Variants in MTMR10 observed in about 807,000 individuals in gnomAD.
MTMR10 encodes the protein myotubularin-related protein 10.
Under a neutral mutation model 88.1 loss-of-function variants are expected in MTMR10, and 56 were observed. The observed-to-expected ratio is 0.64, with a 90% CI of 0.51 to 0.79. The LOEUF is 0.79. Ranked by LOEUF, MTMR10 falls within the 30% of genes least tolerant of loss-of-function variation. MTMR10 has a pLI of 0.00. For missense variants in MTMR10, 883 were observed against 924.7 expected (o/e 0.95, Z 0.58); for synonymous variants, 380 against 340.9 (o/e 1.11, Z -1.26).
intron 11 of MTMR10, among the ~76,000 whole-genome samples, chr15:30,952,240 C>T (rs369372753): frequency 4.6e-5 from 7 of 152,354 alleles, no homozygotes; most frequent in African/African-American, 1.7e-4. Flanking sequence ...GCAGCTGTGG[C>T]TCCCTGCTGC....
rs901837329 is a variant in MTMR10 at position 30,941,279 on chromosome 15, A to T, written c.*191T>A. 6.7e-7 allele frequency: 1 copy of T among 1,497,376 alleles called. No homozygotes were observed. 92.8% of individuals were successfully genotyped at this position (1,497,376 alleles called of 1,614,324 possible). On this transcript the variant is annotated 3_prime_UTR_variant, in exon 16 of 16. Coordinates refer to ENST00000435680, the MANE Select transcript of MTMR10 (RefSeq NM_017762.3). ...CTGTAATGACAGAAAGAGGACAGGAACAAAATTTACATCTCTCTTAAAATA... is the reference window on the plus strand; with the variant it reads ...CTGTAATGACAGAAAGAGGACAGGATCAAAATTTACATCTCTCTTAAAATA...
At chr15:30,934,265 A>T (rs1192421730), downstream of MTMR10, among the ~76,000 whole-genome samples, 2 of 151,906 alleles carry the variant, frequency 1.3e-5, no homozygotes, top group Admixed American at 1.3e-4. Context: ...TTTAATGTTA[A>T]CATGATACAT....
chr15:30,953,127 C>G (rs988961455), intron 11 of MTMR10, among the ~76,000 whole-genome samples: 10 of 152,052 alleles, frequency 6.6e-5, no homozygotes, highest in Non-Finnish European at 1.5e-4. Context: ...TTCATAAACC[C>G]TTTATGAAAA....
In MTMR10 at chr15:30,941,175, G is replaced by A; in HGVS notation, c.*295C>T. ...TGACTGACTATCAGATAGCCTTCAG[G>A]AGGTGGTAGGAAAAATGGATGGAGA... On this transcript the variant is annotated 3_prime_UTR_variant, in exon 16 of 16. Coordinates refer to ENST00000435680, the MANE Select transcript of MTMR10 (RefSeq NM_017762.3). 1 of 1,329,820 alleles carries A rather than the reference G, an allele frequency of 7.5e-7. No individual in the cohort carries two copies. The allele number at this position is 1,329,820 out of a possible 1,614,324, so 82.4% of individuals were successfully genotyped here. A position where few individuals can be genotyped will look rare whatever the true frequency, so the allele number is the denominator to read the frequency against.
the MTMR10 span, chr15:30,930,661 G>A: frequency 2.0e-5 from 32 of 1,612,366 alleles, no homozygotes; most frequent in East Asian, 4.7e-4. Flanking sequence ...TCCCAGAGCC[G>A]TCACTTTAAG....
Position 30,941,288 on chromosome 15 carries a change from A to ACATCTCT in MTMR10, c.*175_*181dup. On this transcript the variant is annotated 3_prime_UTR_variant, in exon 16 of 16. Transcript: ENST00000435680. ...CAGAAAGAGGACAGGAACAAAATTT[A>ACATCTCT]CATCTCTCTTAAAATAAGTGTGAAA... is the stretch of plus-strand genomic sequence containing the variant. 6.6e-7 allele frequency: 1 copy of ACATCTCT among 1,508,748 alleles called. No individual in the cohort carries two copies. 93.5% of individuals were successfully genotyped at this position (1,508,748 alleles called of 1,614,324 possible). A position where few individuals can be genotyped will look rare whatever the true frequency, so the allele number is the denominator to read the frequency against.
chr15:30,942,518 G>GCAAA (rs1034530524), intron 15 of MTMR10: 1 of 277,266 alleles, frequency 3.6e-6, no homozygotes, highest in African/African-American at 2.2e-5. Context: ...TATTAAAAAG[G>GCAAA]CAAACAATGA....
chr15:30,952,227 C>T (rs1462434498), intron 11 of MTMR10, among the ~76,000 whole-genome samples, 189 bp from the exon 12 acceptor site: 1 of 152,358 alleles, frequency 6.6e-6, no homozygotes, highest in East Asian at 1.9e-4. Context: ...GTGTGGCTGA[C>T]TGGCAGCTGT....
At chr15:30,921,717 G>A in the MTMR10 span, among the ~76,000 whole-genome samples, 1 of 152,154 alleles carries the variant, frequency 6.6e-6, no homozygotes, top group Non-Finnish European at 1.5e-5. Flanking sequence ...ACATCCATGA[G>A]CCACAGAAGA....
At chr15:30,990,973 A>G (rs1448905248) in intron 1 of MTMR10, 136 bp from the exon 2 acceptor site, 9 of 725,580 alleles carry the variant, frequency 1.2e-5, no homozygotes, top group Admixed American at 5.9e-5. Context: ...TCGCATATTA[A>G]CTGAGCTGTT....
intron 6 of MTMR10, among the ~76,000 whole-genome samples, chr15:30,961,540 C>T (rs535371855): frequency 2.6e-5 from 4 of 152,242 alleles, no homozygotes; most frequent in African/African-American, 7.2e-5. Context: ...CACGCCTGGC[C>T]TAAAAATAAC....
chr15:30,969,788 C>T (rs1252622032), intron 5 of MTMR10, among the ~76,000 whole-genome samples: 1 of 152,138 alleles, frequency 6.6e-6, no homozygotes, highest in African/African-American at 2.4e-5. Flanking sequence ...AATATTCCCT[C>T]CGCAATCTCA....
intron 15 of MTMR10, chr15:30,942,653 G>A (rs2063092777): frequency 2.1e-6 from 1 of 481,744 alleles, no homozygotes; most frequent in African/African-American, 2.0e-5. Context: ...AGTAAATCAG[G>A]CTTGCAGGCT....
chr15:30,990,904 ATGT>A (rs1302540698), intron 1 of MTMR10, 67 bp from the exon 2 acceptor site: 4 of 1,374,312 alleles, frequency 2.9e-6, no homozygotes, highest in Admixed American at 2.2e-5. Context: ...GCTACAGCAA[ATGT>A]TGTTTTCTAA....
the MTMR10 span, among the ~76,000 whole-genome samples, chr15:30,920,821 A>G: frequency 6.6e-6 from 1 of 152,190 alleles, no homozygotes; most frequent in East Asian, 1.9e-4. Flanking sequence ...GTCTCACTCC[A>G]TCACCTAGGC....
chr15:30,937,252 G>C (rs1379882900), downstream of MTMR10: 2 of 1,611,286 alleles, frequency 1.2e-6, no homozygotes, highest in Non-Finnish European at 1.7e-6. Flanking sequence ...CAAAGCCTTA[G>C]CTAAAAGGTA....
the MTMR10 span, among the ~76,000 whole-genome samples, chr15:30,933,469 A>C: frequency 6.6e-6 from 1 of 152,170 alleles, no homozygotes; most frequent in Non-Finnish European, 1.5e-5. Flanking sequence ...ATTTAACTCC[A>C]TTGTATTCAG....
intron 14 of MTMR10, among the ~76,000 whole-genome samples, chr15:30,944,549 G>C (rs1362882751): frequency 6.9e-6 from 1 of 144,096 alleles, no homozygotes; most frequent in Non-Finnish European, 1.5e-5. Context: ...CTGGGTGATA[G>C]AGCAAGACTC....
At chr15:30,926,482 T>C in the MTMR10 span, 5 of 269,742 alleles carry the variant, frequency 1.9e-5, no homozygotes, top group Non-Finnish European at 2.8e-5. Flanking sequence ...GATTTCAGTA[T>C]TCCCCGAGTG....
Sources: allele counts gnomAD v4.1 joint callset (sites outside exome capture counted in the v4.1 genomes callset), GRCh38; gene constraint gnomAD v4.1.1; transcripts MANE v1.5; gene names NCBI Gene and HGNC (gene_info 2026-07-23, HGNC 2026-07-21).